Variants in FBXL7 observed in about 807,000 individuals in gnomAD.
FBXL7 encodes F-box and leucine rich repeat protein 7.
Under a neutral mutation model 38.3 loss-of-function variants are expected in FBXL7, and 12 were observed. That is an observed-to-expected ratio of 0.31 (90% CI 0.20 to 0.51). The LOEUF is 0.51. Ranked by LOEUF, FBXL7 falls within the 20% of genes least tolerant of loss-of-function variation. The pLI, the probability that FBXL7 is intolerant of heterozygous loss-of-function variation, is 0.98. For synonymous variants in FBXL7, 297 were observed against 300.9 expected (o/e 0.99, Z 0.13); for missense variants, 567 against 676.4 (o/e 0.84, Z 1.79).
intron 2 of FBXL7, among the ~76,000 whole-genome samples, chr5:15,889,841 C>T (rs1290546715): frequency 6.6e-6 from 1 of 152,130 alleles, no homozygotes; most frequent in Non-Finnish European, 1.5e-5. Context: ...TATGATCATT[C>T]AACAGCTATT....
intron 1 of FBXL7, among the ~76,000 whole-genome samples, chr5:15,520,655 T>C (rs1412073417): frequency 6.6e-6 from 1 of 152,206 alleles, no homozygotes; most frequent in Non-Finnish European, 1.5e-5. Flanking sequence ...TAAGTAGTGA[T>C]CAAGTTTCCT....
intron 2 of FBXL7, among the ~76,000 whole-genome samples, chr5:15,763,974 A>G (rs1449221625): frequency 6.6e-6 from 1 of 152,202 alleles, no homozygotes; most frequent in African/African-American, 2.4e-5. Context: ...CTTTTAGCCT[A>G]AGGCTGAATG....
intron 2 of FBXL7, among the ~76,000 whole-genome samples, chr5:15,680,982 T>A (rs76859523): frequency 0.026 from 3,957 of 152,282 alleles, 101 homozygotes; most frequent in South Asian, 0.071. Context: ...GATGACTATC[T>A]TTTTAGTATA....
At chr5:15,615,403 C>T (rs1189314724) in intron 1 of FBXL7, among the ~76,000 whole-genome samples, 7 of 152,114 alleles carry the variant, frequency 4.6e-5, no homozygotes, top group African/African-American at 1.2e-4. Flanking sequence ...AAAAATGATA[C>T]CAGATATTGC....
intron 2 of FBXL7, among the ~76,000 whole-genome samples, chr5:15,686,273 G>C (rs929607406): frequency 6.6e-6 from 1 of 152,110 alleles, no homozygotes; most frequent in African/African-American, 2.4e-5. Context: ...AGGTCCTTCA[G>C]GATCATAAAG....
chr5:15,731,934 A>T (rs2126664084), intron 2 of FBXL7, among the ~76,000 whole-genome samples: 1 of 152,284 alleles, frequency 6.6e-6, no homozygotes, highest in Middle Eastern at 3.4e-3. Context: ...AAGCATGTCA[A>T]GTCTCACTTC....
intron 2 of FBXL7, among the ~76,000 whole-genome samples, chr5:15,827,042 TC>T (rs1738333058): frequency 6.6e-6 from 1 of 151,998 alleles, no homozygotes; most frequent in South Asian, 2.1e-4. Context: ...CTTCCGCACT[TC>T]CTGCCCCATG....
chr5:15,694,109 G>A (rs950840492), intron 2 of FBXL7, among the ~76,000 whole-genome samples: 17 of 152,098 alleles, frequency 1.1e-4, no homozygotes, highest in Non-Finnish European at 2.2e-4. Context: ...AACCCTAGAC[G>A]CTGCTGTGGG....
intron 1 of FBXL7, among the ~76,000 whole-genome samples, chr5:15,608,950 C>G (rs968506948): frequency 6.6e-6 from 1 of 152,144 alleles, no homozygotes; most frequent in African/African-American, 2.4e-5. Flanking sequence ...TTTTTATCCC[C>G]GTGTTACTGG....
At chr5:15,790,397 G>C (rs1172465428) in intron 2 of FBXL7, among the ~76,000 whole-genome samples, 3 of 152,096 alleles carry the variant, frequency 2.0e-5, no homozygotes, top group Non-Finnish European at 4.4e-5. Context: ...TAAAATTAGA[G>C]AGTAGAGTTG....
chr5:15,936,955 A>G lies in FBXL7; in HGVS notation c.1245A>G (p.Val415=). The part of the protein sequence containing the change: ...KSLDIGKCPL[V]SDTGLECLAL... ...TGGATATCGGCAAATGCCCTTTGGT[A>G]TCCGACACGGGCCTGGAGTGCCTGG... is the stretch of plus-strand genomic sequence containing the variant. The change falls in exon 4 of 4, where the codon GTA becomes GTG. Residue 415 remains valine, a synonymous_variant. Transcript: ENST00000504595. The surrounding 1 kb of genome is among the most constrained non-coding windows in gnomAD (Gnocchi z 6.0). 1.2e-6 allele frequency: 2 copies of G among 1,614,074 alleles called. No homozygotes were observed. Among genetic ancestry groups the G allele is most frequent in the Non-Finnish European group, 8.5e-7 (1 of 1,179,906 alleles).
intron 2 of FBXL7, among the ~76,000 whole-genome samples, chr5:15,737,529 T>G: frequency 6.6e-6 from 1 of 152,168 alleles, no homozygotes; most frequent in East Asian, 1.9e-4. Context: ...ATCTGAGGAC[T>G]TGGGAATGTT....
intron 1 of FBXL7, among the ~76,000 whole-genome samples, chr5:15,574,360 T>A (rs1424876930): frequency 6.6e-6 from 1 of 152,186 alleles, no homozygotes; most frequent in African/African-American, 2.4e-5. Flanking sequence ...ATAACTCGGG[T>A]TCAACCTAAT....
At chr5:15,568,279 G>T (rs1738653177) in intron 1 of FBXL7, among the ~76,000 whole-genome samples, 2 of 151,986 alleles carry the variant, frequency 1.3e-5, no homozygotes, top group African/African-American at 2.4e-5. Context: ...ACTTTTTAAT[G>T]ATCGCCATTC....
intron 2 of FBXL7, among the ~76,000 whole-genome samples, chr5:15,843,018 G>A (rs1299187342): frequency 6.6e-6 from 1 of 151,956 alleles, no homozygotes; most frequent in Non-Finnish European, 1.5e-5. Flanking sequence ...ACAAATACGA[G>A]GTTGTATACA....
chr5:15,897,661 A>G (rs1490185410), intron 2 of FBXL7, among the ~76,000 whole-genome samples: 3 of 152,188 alleles, frequency 2.0e-5, no homozygotes, highest in Admixed American at 6.5e-5. Context: ...AGTTTAGGCT[A>G]TGCTCCCGGA....
chr5:15,641,507 T>G (rs2126556675), intron 2 of FBXL7, among the ~76,000 whole-genome samples: 1 of 152,100 alleles, frequency 6.6e-6, no homozygotes, highest in African/African-American at 2.4e-5. Context: ...CTGCCATTTT[T>G]TTTTTTTTTT....
At chr5:15,731,563 A>G (rs1406999775) in intron 2 of FBXL7, among the ~76,000 whole-genome samples, 2 of 152,142 alleles carry the variant, frequency 1.3e-5, no homozygotes, top group Admixed American at 1.3e-4. Flanking sequence ...AGGGGAAGAA[A>G]AGAAAAAGGG....
chr5:15,516,800 T>C (rs938153291), intron 1 of FBXL7, among the ~76,000 whole-genome samples: 7 of 152,080 alleles, frequency 4.6e-5, no homozygotes, highest in African/African-American at 1.4e-4. Flanking sequence ...CTTCCCCCTT[T>C]TGGTCGGCAT....
Sources: gnomAD v4.1 joint callset for allele counts (sites outside exome capture counted in the v4.1 genomes callset) on GRCh38, gnomAD v4.1.1 for gene constraint, Gnocchi (gnomAD v3.1) non-coding constraint, MANE v1.5 for transcripts, NCBI Gene and HGNC (gene_info 2026-07-23, HGNC 2026-07-21) for gene names.